Variants in HDDC2 observed in about 807,000 individuals in gnomAD.
The protein encoded by HDDC2 is HD domain containing 2.
In HDDC2, 25 loss-of-function variants were observed where a neutral mutation model predicts 25.5. The ratio of observed to expected loss-of-function variants is 0.98; its 90% CI spans 0.72 to 1.37. The LOEUF (loss-of-function observed/expected upper bound fraction) is 1.37. Among genes scored for constraint, HDDC2 ranks in the 40% most tolerant of loss-of-function variants. The pLI is 0.00. For synonymous variants in HDDC2, 106 were observed against 89.7 expected (o/e 1.18, Z -1.03); for missense variants, 264 against 253.1 (o/e 1.04, Z -0.29).
rs1313791542 is a variant in HDDC2 at position 125,300,562 on chromosome 6, T to G, written c.182A>C (p.Lys61Thr). ...CCGGTCTTTGTTAAGACGGTCATCT[T>G]TGATCACCATAGCCATAACTGCCAT... ...YRMAVMAMVI[K>T]DDRLNKDRCV... The change falls in exon 2 of 6, where the codon AAA becomes ACA. Residue 61 changes from lysine (K) to threonine (T), a missense_variant. Transcript: ENST00000398153. The G allele has an allele frequency of 6.2e-7, 1 of 1,614,022 alleles. No homozygotes were observed. Among genetic ancestry groups the G allele is most frequent in the East Asian group, 2.2e-5 (1 of 44,902 alleles).
At position 125,298,775 on chromosome 6, in the gene HDDC2, A is replaced by C. The variant is rs753656637; in HGVS notation, c.248T>G (p.Ile83Ser). The change falls in exon 3 of 6, where the codon ATC becomes AGC. Residue 83 changes from isoleucine (I) to serine (S), a missense_variant. By Grantham distance (142) the Ile-to-Ser change is moderately radical. Coordinates refer to ENST00000398153, the MANE Select transcript of HDDC2 (RefSeq NM_016063.3). The stretch of plus-strand genomic sequence containing the variant: ...ATCTGCTGGTGCTATGTCCCCAACG[A>C]TGCATTCTGCCATATCATGAACCAG... Reference protein sequence around the residue: ...LALVHDMAECIVGDIAPADNI... With the variant: ...LALVHDMAECSVGDIAPADNI... 1.5e-5 allele frequency: 24 copies of C among 1,614,164 alleles called. No individual in the cohort carries two copies. Among genetic ancestry groups the C allele is most frequent in the Non-Finnish European group, 2.0e-5 (24 of 1,180,026 alleles).
chr6:125,293,898 G>A (rs1326446135), intron 3 of HDDC2, among the ~76,000 whole-genome samples: 4 of 152,238 alleles, frequency 2.6e-5, no homozygotes, highest in African/African-American at 9.6e-5. Flanking sequence ...AGCGTTGAGA[G>A]TTAGCCAAAA....
In HDDC2 at chr6:125,276,010, T is replaced by C. The variant is rs984646358; in HGVS notation, c.*136A>G. ...TTTAGTGCCCAAGTTGTATCACATT[T>C]CTTGCTGAAGTTCAGACAATTGAAA... On this transcript the variant is annotated 3_prime_UTR_variant, in exon 6 of 6. Coordinates refer to ENST00000398153, the MANE Select transcript of HDDC2 (RefSeq NM_016063.3). 6.7e-5 allele frequency: 45 copies of C among 674,232 alleles called. No individual in the cohort carries two copies. The East Asian group carries it at 9.8e-4, about 15-fold the overall frequency. 41.8% of individuals were successfully genotyped at this position (674,232 alleles called of 1,614,324 possible). A position where few individuals can be genotyped will look rare whatever the true frequency, so the allele number is the denominator to read the frequency against.
chr6:125,297,723 G>A (rs1420966675), intron 3 of HDDC2, among the ~76,000 whole-genome samples: 1 of 152,044 alleles, frequency 6.6e-6, no homozygotes, highest in African/African-American at 2.4e-5. Context: ...CAATCTCTTA[G>A]GCCTCTAATA....
chr6:125,277,142 G>C lies in HDDC2; in HGVS notation c.477C>G (p.His159Gln). Reference sequence around the variant, plus strand: ...AGAAGTCTTGCAGTCTCCCAGGTTTGTGTTCAAGGTCTTCATATTCAGATG... The same window carrying C: ...AGAAGTCTTGCAGTCTCCCAGGTTTCTGTTCAAGGTCTTCATATTCAGATG... ...LQASEYEDLE[H>Q]KPGRLQDFYD... The change falls in exon 5 of 6, where the codon CAC becomes CAG. Residue 159 changes from histidine (H) to glutamine (Q), a missense_variant. By Grantham distance (24) the His-to-Gln change is conservative. Transcript: ENST00000398153. 1.9e-6 allele frequency: 3 copies of C among 1,614,064 alleles called. No homozygotes were observed. The highest frequency in any genetic ancestry group is 2.5e-6 in the Non-Finnish European group (3 of 1,179,978).
chr6:125,277,007 A>T, intron 5 of HDDC2, 95 bp downstream of exon 5: 1 of 1,216,078 alleles, frequency 8.2e-7, no homozygotes, highest in Non-Finnish European at 1.2e-6. Flanking sequence ...GGTCAGATGA[A>T]GGTACCAACA....
Position 125,301,913 on chromosome 6 carries a change from G to T in HDDC2, c.20C>A (p.Ala7Glu). The T allele has an allele frequency of 6.4e-7, 1 of 1,551,374 alleles. No homozygotes were observed. The highest frequency in any genetic ancestry group is 8.7e-7 in the Non-Finnish European group (1 of 1,149,302). Residue 7 changes from alanine (A) to glutamate (E), a missense_variant, in exon 1 of 6, where the codon GCG becomes GAG. By Grantham distance (107) the Ala-to-Glu change is moderately radical. Coordinates refer to ENST00000398153, the MANE Select transcript of HDDC2 (RefSeq NM_016063.3). MASVSS[A>E]TFSGHGARSL... ...CCGAGCCCCGTGGCCCGAGAAGGTC[G>T]CAGAGGAGACCGAAGCCATGCGGCC...
Position 125,298,829 on chromosome 6 carries a change from G to A in HDDC2, c.207-13C>T. 2 of 1,574,448 alleles carry A rather than the reference G, an allele frequency of 1.3e-6. No homozygotes were observed. The highest frequency in any genetic ancestry group is 2.2e-5 in the South Asian group (2 of 90,272). On this transcript the variant is annotated splice_polypyrimidine_tract_variant and intron_variant, in intron 2 of 5. Transcript: ENST00000398153. ...TAGGCGTACACATCTGATCAGGCAA[G>A]AAATGTCGAATAATTACACAGAATT...
At chr6:125,291,057 T>C (rs1487969605) in intron 4 of HDDC2, among the ~76,000 whole-genome samples, 2 of 152,230 alleles carry the variant, frequency 1.3e-5, no homozygotes, top group East Asian at 1.9e-4. Flanking sequence ...AAATTAATAA[T>C]ACAAGAGTGT....
intron 4 of HDDC2, among the ~76,000 whole-genome samples, chr6:125,283,794 C>T (rs1441035709): frequency 6.6e-6 from 1 of 152,076 alleles, no homozygotes; most frequent in Non-Finnish European, 1.5e-5. Flanking sequence ...TGACTTTCTC[C>T]ACAGAATTAG....
chr6:125,287,363 G>A (rs928670764), intron 4 of HDDC2, among the ~76,000 whole-genome samples: 1 of 152,146 alleles, frequency 6.6e-6, no homozygotes, highest in African/African-American at 2.4e-5. Flanking sequence ...AAAGAGAAGG[G>A]CTTCTGGGGT....
chr6:125,280,689 T>C (rs1040416259), intron 4 of HDDC2, among the ~76,000 whole-genome samples: 3 of 152,256 alleles, frequency 2.0e-5, no homozygotes, highest in African/African-American at 7.2e-5. Context: ...GGGCAGAGCA[T>C]CTCTGAAAGA....
At chr6:125,285,635 C>A (rs1798523321) in intron 4 of HDDC2, among the ~76,000 whole-genome samples, 2 of 150,944 alleles carry the variant, frequency 1.3e-5, no homozygotes, top group Admixed American at 1.3e-4. Flanking sequence ...CTCAAGAAAA[C>A]CTTAAAATTA....
At chr6:125,283,411 A>G (rs912881645) in intron 4 of HDDC2, among the ~76,000 whole-genome samples, 3 of 152,244 alleles carry the variant, frequency 2.0e-5, no homozygotes, top group African/African-American at 7.2e-5. Flanking sequence ...ATATATTTAG[A>G]AAACCCCATT....
intron 1 of HDDC2, among the ~76,000 whole-genome samples, chr6:125,301,028 G>T (rs1350861143): frequency 1.3e-5 from 2 of 152,058 alleles, no homozygotes; most frequent in African/African-American, 4.8e-5. Context: ...AGAAAACACT[G>T]TATTGAAGGG....
At chr6:125,300,914 G>C (rs983599427) in intron 1 of HDDC2, among the ~76,000 whole-genome samples, 41 of 152,124 alleles carry the variant, frequency 2.7e-4, no homozygotes, top group African/African-American at 8.9e-4. Flanking sequence ...TTCTGTTACT[G>C]ATGTATAATT....
At chr6:125,295,092 A>T (rs1798689538) in intron 3 of HDDC2, among the ~76,000 whole-genome samples, 1 of 152,144 alleles carries the variant, frequency 6.6e-6, no homozygotes, top group South Asian at 2.1e-4. Context: ...AACCCTCTGA[A>T]ATCAACATGG....
chr6:125,293,900 T>C (rs959994856), intron 3 of HDDC2, among the ~76,000 whole-genome samples: 1 of 152,222 alleles, frequency 6.6e-6, no homozygotes, highest in Non-Finnish European at 1.5e-5. Flanking sequence ...CGTTGAGAGT[T>C]AGCCAAAACC....
chr6:125,300,075 A>C (rs1315141638), intron 2 of HDDC2, among the ~76,000 whole-genome samples: 1 of 152,216 alleles, frequency 6.6e-6, no homozygotes, highest in Non-Finnish European at 1.5e-5. Flanking sequence ...CATGCTAGTA[A>C]ACTTTTGTTC....
Sources: gnomAD v4.1 joint callset for allele counts (sites outside exome capture counted in the v4.1 genomes callset) on GRCh38, gnomAD v4.1.1 for gene constraint, MANE v1.5 for transcripts, NCBI Gene and HGNC (gene_info 2026-07-23, HGNC 2026-07-21) for gene names.